The following ABCA13 variants were observed in gnomAD, a reference collection of about 807,000 sequenced individuals.
The protein encoded by ABCA13 is ATP binding cassette subfamily A member 13.
ABCA13 carries 476 observed loss-of-function variants against 478.7 expected under a neutral mutation model. The observed-to-expected ratio is 0.99, with a 90% confidence interval of 0.92 to 1.07. The LOEUF is 1.07. Among genes scored for constraint, ABCA13 ranks in the 50% least tolerant of loss-of-function variants. The pLI, the probability that ABCA13 is intolerant of heterozygous loss-of-function variation, is 0.00. For missense variants in ABCA13, 6,060 were observed against 5,910.6 expected (o/e 1.03, Z -0.83); for synonymous variants, 2,252 against 2,158.9 (o/e 1.04, Z -1.20).
intron 52 of ABCA13, among the ~76,000 whole-genome samples, chr7:48,517,211 T>C (rs956249834): frequency 6.6e-6 from 1 of 152,150 alleles, no homozygotes; most frequent in African/African-American, 2.4e-5. Flanking sequence ...TGATGAATGG[T>C]GGAAGAGTGA....
rs777087699 is a variant in ABCA13 at position 48,227,139 on chromosome 7, TAA to T, written c.469-122_469-121del. On this transcript the variant is annotated intron_variant, in intron 5 of 61. Coordinates refer to ENST00000435803, the MANE Select transcript of ABCA13 (RefSeq NM_152701.5). The stretch of plus-strand genomic sequence containing the variant: ...AAATCTGTTCAATGTAGTGATATAT[TAA>T]GTGTGAGTTTCTACTAGGAGAATGT... The T allele has an allele frequency of 3.2e-4, 274 of 867,210 alleles. 1 individual carries two copies. The highest frequency in any genetic ancestry group is 4.5e-4 in the Non-Finnish European group (244 of 536,866). 53.7% of individuals were successfully genotyped at this position (867,210 alleles called of 1,614,324 possible).
chr7:48,462,214 T>TA (rs11395559), intron 43 of ABCA13, among the ~76,000 whole-genome samples: 28,519 of 151,960 alleles, frequency 0.19, 3,091 homozygotes, highest in African/African-American at 0.29. Context: ...TGGCAGGTAT[T>TA]ACGGTATTAT....
Position 48,389,118 on chromosome 7 carries a change from A to G in ABCA13, c.11552A>G (p.Tyr3851Cys). Residue 3851 changes from tyrosine to cysteine, a missense_variant, in exon 37 of 62, where the codon TAT (tyrosine) becomes TGT (cysteine). Physicochemically the swap from Tyr to Cys is radical, Grantham distance 194 (BLOSUM62 -2). Around this residue, in one of 3 missense-constraint regions of ABCA13, gnomAD observed 1,627 missense variants for 1,571.0 expected, o/e 1.04. Transcript: ENST00000435803. ...GVTLVSVTKE[Y>C]EGHKAVVQDL... ...ACCCTGGTGTCTGTGACCAAGGAATATGAGGGCCACAAGGCTGTGGTCCAA... is the reference window on the plus strand; with the variant it reads ...ACCCTGGTGTCTGTGACCAAGGAATGTGAGGGCCACAAGGCTGTGGTCCAA... 2 of 1,613,886 alleles carry G rather than the reference A, an allele frequency of 1.2e-6. No individual in the cohort carries two copies. The highest frequency in any genetic ancestry group is 1.7e-6 in the Non-Finnish European group (2 of 1,179,848).
At chr7:48,321,686 G>GT (rs1480430756) in intron 27 of ABCA13, among the ~76,000 whole-genome samples, 1 of 152,224 alleles carries the variant, frequency 6.6e-6, no homozygotes, top group Non-Finnish European at 1.5e-5. Context: ...GCCGGCTGCC[G>GT]TGAGAGCGAG....
intron 15 of ABCA13, among the ~76,000 whole-genome samples, chr7:48,264,818 T>A (rs1240988374): frequency 6.6e-6 from 1 of 151,668 alleles, no homozygotes; most frequent in Admixed American, 6.6e-5. Context: ...TCTTAATAGA[T>A]CCTGCTTTTG....
At position 48,275,641 on chromosome 7, in the gene ABCA13, C is replaced by T. The variant is rs1171363008; in HGVS notation, c.5975C>T (p.Thr1992Ile). Residue 1992 changes from threonine (T) to isoleucine (I), a missense_variant, in exon 17 of 62, where the codon ACA (threonine) becomes ATA (isoleucine). By Grantham distance (89) the Thr-to-Ile change is moderately conservative. Coordinates refer to ENST00000435803, the MANE Select transcript of ABCA13 (RefSeq NM_152701.5). ...KILNINEDTE[T>I]SVQNIISSNL... ...CTTAACATTAATGAAGACACAGAGA[C>T]ATCTGTTCAAAATATTATTTCCTCA... 5 of 1,602,988 alleles carry T rather than the reference C, an allele frequency of 3.1e-6. No homozygotes were observed. The highest frequency in any genetic ancestry group is 4.3e-6 in the Non-Finnish European group (5 of 1,173,958).
chr7:48,485,964 G>T (rs73107531), intron 47 of ABCA13, among the ~76,000 whole-genome samples: 27,656 of 152,058 alleles, frequency 0.18, 2,845 homozygotes, highest in East Asian at 0.29. Flanking sequence ...CTTTTGAGTA[G>T]CTCTCAGCCT....
intron 35 of ABCA13, 91 bp from the exon 36 acceptor site, chr7:48,387,731 T>A (rs1815404212): frequency 9.4e-7 from 1 of 1,069,344 alleles, no homozygotes. Context: ...TAACATGGGA[T>A]GACATTTTAT....
chr7:48,312,178 C>T (rs952224063), intron 24 of ABCA13, among the ~76,000 whole-genome samples: 2 of 152,310 alleles, frequency 1.3e-5, no homozygotes, highest in South Asian at 2.1e-4. Context: ...AGCTAAAACA[C>T]TAATGAGCAA....
chr7:48,173,097 A>C (rs1239699686), intron 1 of ABCA13, among the ~76,000 whole-genome samples: 1 of 152,206 alleles, frequency 6.6e-6, no homozygotes, highest in African/African-American at 2.4e-5. Context: ...CTTAATGGAT[A>C]CTTGAGTTTT....
intron 59 of ABCA13, among the ~76,000 whole-genome samples, chr7:48,642,858 G>A (rs1254231498): frequency 6.6e-6 from 1 of 152,130 alleles, no homozygotes; most frequent in East Asian, 1.9e-4. Flanking sequence ...CAAGTGCCTG[G>A]TAATTACATA....
chr7:48,357,439 G>A (rs1348227363), intron 31 of ABCA13, among the ~76,000 whole-genome samples: 1 of 151,932 alleles, frequency 6.6e-6, no homozygotes, highest in Admixed American at 6.5e-5. Flanking sequence ...ACTGTAGTGG[G>A]AAGGAGAAGA....
Position 48,367,794 on chromosome 7 carries a change from A to T in ABCA13, c.10689A>T (p.Leu3563=). 6.4e-7 allele frequency: 1 copy of T among 1,558,522 alleles called. No homozygotes were observed. The highest frequency in any genetic ancestry group is 1.2e-5 in the South Asian group (1 of 84,508). Residue 3563 remains leucine (L), a splice_region_variant and synonymous_variant, in exon 32 of 62, where the codon CTA becomes CTT. Coordinates refer to ENST00000435803, the MANE Select transcript of ABCA13 (RefSeq NM_152701.5). Reference sequence around the variant, plus strand: ...TGCTGACTGAATTATCCCCTTACAGATTCCTGAACAACGTTGGTTTCTTTT... The same window carrying T: ...TGCTGACTGAATTATCCCCTTACAGTTTCCTGAACAACGTTGGTTTCTTTT... The part of the protein sequence containing the change: ...AAPYPCHTSD[L]FLNNVGFFFP...
intron 42 of ABCA13, among the ~76,000 whole-genome samples, chr7:48,453,383 C>G (rs1825283049): frequency 6.6e-6 from 1 of 152,130 alleles, no homozygotes; most frequent in Non-Finnish European, 1.5e-5. Flanking sequence ...AAATTAAATA[C>G]TAATTTGCCT....
intron 31 of ABCA13, among the ~76,000 whole-genome samples, chr7:48,364,739 T>C (rs545866102): frequency 5.8e-4 from 88 of 152,052 alleles, no homozygotes; most frequent in African/African-American, 2.0e-3. Context: ...AATAACAGGA[T>C]TTTTTCTTTG....
At chr7:48,386,264 A>G (rs756800360) in intron 35 of ABCA13, among the ~76,000 whole-genome samples, 26 of 152,244 alleles carry the variant, frequency 1.7e-4, no homozygotes, top group Non-Finnish European at 3.1e-4. Context: ...AAAACGTTTC[A>G]TGCTCATGGA....
intron 55 of ABCA13, among the ~76,000 whole-genome samples, chr7:48,539,530 TC>T (rs1252826687): frequency 6.6e-6 from 1 of 152,144 alleles, no homozygotes; most frequent in Non-Finnish European, 1.5e-5. Flanking sequence ...TTCACAATAA[TC>T]AATTGGTTTT....
intron 51 of ABCA13, among the ~76,000 whole-genome samples, chr7:48,513,764 C>T (rs1831891766): frequency 6.6e-6 from 1 of 152,228 alleles, no homozygotes; most frequent in East Asian, 1.9e-4. Flanking sequence ...AAGCCAATTT[C>T]ATTTTTTTCT....
At chr7:48,435,971 GTTT>G (rs35182542) in intron 42 of ABCA13, among the ~76,000 whole-genome samples, 1 of 138,446 alleles carries the variant, frequency 7.2e-6, no homozygotes. Context: ...AGTTGGTAAG[GTTT>G]TTTTTTTTTT....
Sources: allele counts gnomAD v4.1 joint callset (sites outside exome capture counted in the v4.1 genomes callset), GRCh38; gene constraint gnomAD v4.1.1; regional missense constraint gnomAD v4.1.1; transcripts MANE v1.5; gene names NCBI Gene and HGNC (gene_info 2026-07-23, HGNC 2026-07-21).